Variants in UBE2R2 observed in about 807,000 individuals in gnomAD.
UBE2R2 encodes ubiquitin-conjugating enzyme E2 R2.
Under a neutral mutation model 27.8 loss-of-function variants are expected in UBE2R2, and 1 was observed. The observed-to-expected ratio is 0.04, with a 90% CI of 0.01 to 0.17. The LOEUF (loss-of-function observed/expected upper bound fraction) is 0.17. Ranked by LOEUF, UBE2R2 falls within the 10% of genes least tolerant of loss-of-function variation. The pLI is 1.00. For synonymous variants in UBE2R2, 106 were observed against 113.3 expected (o/e 0.94, Z 0.41); for missense variants, 100 against 291.0 (o/e 0.34, Z 4.78).
intron 2 of UBE2R2, among the ~76,000 whole-genome samples, chr9:33,894,161 G>A (rs1180672210): frequency 3.9e-5 from 6 of 152,040 alleles, no homozygotes; most frequent in Non-Finnish European, 7.3e-5. Flanking sequence ...GCTAGGTGCA[G>A]TGGCTCACAT....
chr9:33,885,834 T>C (rs191805615), intron 1 of UBE2R2, among the ~76,000 whole-genome samples: 2 of 152,346 alleles, frequency 1.3e-5, no homozygotes, highest in Admixed American at 6.5e-5. Flanking sequence ...GAGAGAACTT[T>C]TCAGGTTTTC....
intron 1 of UBE2R2, among the ~76,000 whole-genome samples, chr9:33,886,190 A>G (rs371859351): frequency 6.6e-6 from 1 of 152,234 alleles, no homozygotes; most frequent in Non-Finnish European, 1.5e-5. Flanking sequence ...CAGTTAAATT[A>G]TGTGAGTAAA....
intron 1 of UBE2R2, among the ~76,000 whole-genome samples, chr9:33,864,085 C>CT (rs1821307209): frequency 6.6e-6 from 1 of 152,102 alleles, no homozygotes; most frequent in Non-Finnish European, 1.5e-5. Context: ...CCTCAGCCTC[C>CT]TAAAGTGCTG....
intron 1 of UBE2R2, among the ~76,000 whole-genome samples, chr9:33,884,479 A>G (rs1359355633): frequency 6.6e-6 from 1 of 151,200 alleles, no homozygotes; most frequent in African/African-American, 2.4e-5. Context: ...GGGTCTCGCT[A>G]CCTTGCCTAG....
chr9:33,894,964 T>C (rs1189057415), intron 2 of UBE2R2, among the ~76,000 whole-genome samples: 2 of 152,198 alleles, frequency 1.3e-5, no homozygotes, highest in Non-Finnish European at 2.9e-5. Context: ...CCTCCCACAG[T>C]GGTGGAATTA....
At chr9:33,854,734 T>TC (rs1821060233) in intron 1 of UBE2R2, among the ~76,000 whole-genome samples, 1 of 151,404 alleles carries the variant, frequency 6.6e-6, no homozygotes, top group African/African-American at 2.4e-5. Context: ...TTTTTTTTTT[T>TC]CCAAGACAGG....
chr9:33,897,404 G>A (rs1196079331), intron 2 of UBE2R2, among the ~76,000 whole-genome samples: 5 of 143,830 alleles, frequency 3.5e-5, no homozygotes, highest in Non-Finnish European at 6.1e-5. Flanking sequence ...CGCAACCTCC[G>A]CCTCCCGGGT....
intron 1 of UBE2R2, among the ~76,000 whole-genome samples, chr9:33,865,991 T>C: frequency 6.6e-6 from 1 of 151,288 alleles, no homozygotes; most frequent in Non-Finnish European, 1.5e-5. Context: ...ACCACCACAC[T>C]CGGCTAATTT....
rs1460460147 is a variant in UBE2R2, at chr9:33,817,659, C to T, written c.-99C>T. The stretch of plus-strand genomic sequence containing the variant: ...GTGAAGACCGGGGCCCGGTGCTGCC[C>T]GGCCGGAGGGCGAGCGGAGGGGAGG... On this transcript the variant is annotated 5_prime_UTR_variant, in exon 1 of 5. Transcript: ENST00000263228. 5.7e-5 allele frequency: 66 copies of T among 1,157,064 alleles called. No individual in the cohort carries two copies. Among genetic ancestry groups the T allele is most frequent in the Non-Finnish European group, 7.0e-5 (66 of 942,416 alleles). The allele number at this position is 1,157,064 out of a possible 1,614,324, so 71.7% of individuals were successfully genotyped here. A position where few individuals can be genotyped will look rare whatever the true frequency, so the allele number is the denominator to read the frequency against.
intron 1 of UBE2R2, among the ~76,000 whole-genome samples, chr9:33,866,809 C>G (rs1210583456): frequency 7.9e-5 from 12 of 152,106 alleles, no homozygotes; most frequent in Admixed American, 6.6e-4. Context: ...ACTCTTTATT[C>G]ATAGGAGTTC....
chr9:33,823,996 G>A (rs1820238541), intron 1 of UBE2R2, among the ~76,000 whole-genome samples: 1 of 152,146 alleles, frequency 6.6e-6, no homozygotes, highest in Non-Finnish European at 1.5e-5. Flanking sequence ...AGTACTGGGT[G>A]AACTAAGGTA....
At chr9:33,916,209 CGGGAGCCTGTAATCTCAGCTACTT>C (rs1196252064) in intron 4 of UBE2R2, among the ~76,000 whole-genome samples, 11 of 151,972 alleles carry the variant, frequency 7.2e-5, no homozygotes, top group Non-Finnish European at 1.5e-4. Flanking sequence ...GGTGGGGTGG[CGGGAGCCTGTAATCTCAGCTACTT>C]GGGAGGCTGA....
chr9:33,857,327 T>C (rs137985806), intron 1 of UBE2R2, among the ~76,000 whole-genome samples: 165 of 151,964 alleles, frequency 1.1e-3, no homozygotes, highest in African/African-American at 3.7e-3. Flanking sequence ...TTTATTTATT[T>C]ATTTATTTTG....
rs190198235 is a variant in UBE2R2 at position 33,825,946 on chromosome 9, C to T, written c.177+8012C>T. Among the ~76,000 whole-genome samples the T allele has an allele frequency of 4.1e-4, 62 of 152,106 alleles. 1 individual carries two copies. The highest frequency in any genetic ancestry group is 1.5e-3 in the African/African-American group (61 of 41,526). ...TCACTTGAGGTCAGGAGTTCAAGAC[C>T]AGCATAGCCAATATGGTGAAACCCC... On this transcript the variant is annotated intron_variant, in intron 1 of 4. Transcript: ENST00000263228.
At chr9:33,848,920 G>A (rs1050208709) in intron 1 of UBE2R2, among the ~76,000 whole-genome samples, 4 of 151,718 alleles carry the variant, frequency 2.6e-5, no homozygotes, top group African/African-American at 9.7e-5. Context: ...ATCTTAAAAT[G>A]AGAAAGTTGT....
At chr9:33,827,057 G>A (rs1448555838) in intron 1 of UBE2R2, among the ~76,000 whole-genome samples, 6 of 152,182 alleles carry the variant, frequency 3.9e-5, no homozygotes, top group East Asian at 1.9e-4. Context: ...AGCCGAGATC[G>A]CGCCACTGCG....
At chr9:33,837,637 C>T (rs1820644132) in intron 1 of UBE2R2, among the ~76,000 whole-genome samples, 1 of 152,030 alleles carries the variant, frequency 6.6e-6, no homozygotes, top group Non-Finnish European at 1.5e-5. Flanking sequence ...GTTGCCCAGG[C>T]TGTTCTTGAA....
At chr9:33,904,237 A>G (rs1455903748) in intron 3 of UBE2R2, among the ~76,000 whole-genome samples, 2 of 152,218 alleles carry the variant, frequency 1.3e-5, no homozygotes, top group Non-Finnish European at 2.9e-5. Flanking sequence ...CTGAAATATT[A>G]AGAGGGAAGA....
chr9:33,858,109 T>TA (rs1587449394), intron 1 of UBE2R2, among the ~76,000 whole-genome samples: 1 of 152,182 alleles, frequency 6.6e-6, no homozygotes, highest in Admixed American at 6.6e-5. Flanking sequence ...GTAAAATACT[T>TA]ACTCACTTTC....
Sources: allele counts gnomAD v4.1 joint callset (sites outside exome capture counted in the v4.1 genomes callset), GRCh38; gene constraint gnomAD v4.1.1; transcripts MANE v1.5; gene names NCBI Gene and HGNC (gene_info 2026-07-23, HGNC 2026-07-21).